The following CCDC175 variants were observed in gnomAD, a reference collection of about 807,000 sequenced individuals.
CCDC175 encodes coiled-coil domain containing 175, also known as coiled-coil domain-containing protein 175.
CCDC175 carries 100 observed loss-of-function variants against 114.6 expected under a neutral mutation model. The observed-to-expected ratio is 0.87, with a 90% confidence interval of 0.74 to 1.03. The LOEUF (loss-of-function observed/expected upper bound fraction) is 1.03, where lower values mean the gene tolerates loss of function less well. Among genes scored for constraint, CCDC175 ranks in the 50% least tolerant of loss-of-function variants. The pLI is 0.00. For synonymous variants in CCDC175, 306 were observed against 308.7 expected, an observed-to-expected ratio of 0.99 and a Z score of 0.09; for missense variants, 880 against 917.8, an observed-to-expected ratio of 0.96 and a Z score of 0.53.
In CCDC175 at chr14:59,536,188, C is replaced by T. The variant is rs530805049; in HGVS notation, c.1623+1835G>A. ...CTCCCCAGCTCTTATTCAGCAACCC[C>T]ACCCCCTTGTGATTCCTTAGATAGG... On this transcript the variant is annotated intron_variant, in intron 13 of 19. Transcript: ENST00000537690. Among the ~76,000 whole-genome samples, 13 of 152,238 alleles carry T rather than the reference C, an allele frequency of 8.5e-5. No individual in the cohort carries two copies. In the East Asian group the frequency reaches 1.9e-3, roughly 23 times the overall value.
intron 17 of CCDC175, among the ~76,000 whole-genome samples, chr14:59,516,464 C>T (rs978701246): frequency 2.0e-5 from 3 of 152,068 alleles, no homozygotes; most frequent in Non-Finnish European, 4.4e-5. Context: ...CAAATAGACG[C>T]AATAAAAAAT....
At chr14:59,543,782 T>C (rs1253314337) in intron 9 of CCDC175, among the ~76,000 whole-genome samples, 3 of 152,166 alleles carry the variant, frequency 2.0e-5, no homozygotes, top group African/African-American at 4.8e-5. Flanking sequence ...CGTGAGCCAC[T>C]GTGCCCAGCA....
At chr14:59,509,167 T>TAA (rs1425850562) in intron 19 of CCDC175, among the ~76,000 whole-genome samples, 3 of 152,182 alleles carry the variant, frequency 2.0e-5, no homozygotes, top group African/African-American at 7.2e-5. Flanking sequence ...GGGTTTCAGA[T>TAA]AAAAACAGAA....
chr14:59,540,493 C>CA (rs11379946), intron 11 of CCDC175, among the ~76,000 whole-genome samples, 182 bp downstream of exon 11: 84,118 of 144,636 alleles, frequency 0.58, 24,723 homozygotes, highest in East Asian at 0.82. Flanking sequence ...TGTTCAATGC[C>CA]AAAAAAAAAA....
intron 17 of CCDC175, among the ~76,000 whole-genome samples, chr14:59,514,957 C>T (rs892714391): frequency 2.0e-5 from 3 of 152,236 alleles, no homozygotes; most frequent in African/African-American, 7.2e-5. Flanking sequence ...AGCAGACTAA[C>T]AGCTGACCTC....
chr14:59,553,672 A>G (rs1336139546), intron 7 of CCDC175, among the ~76,000 whole-genome samples: 1 of 152,232 alleles, frequency 6.6e-6, no homozygotes, highest in Non-Finnish European at 1.5e-5. Flanking sequence ...AGACTGGCAA[A>G]TTGGATAAAA....
At chr14:59,572,376 GT>G (rs2140132853) in intron 3 of CCDC175, among the ~76,000 whole-genome samples, 1 of 152,268 alleles carries the variant, frequency 6.6e-6, no homozygotes, top group South Asian at 2.1e-4. Context: ...GGTACCCAGA[GT>G]AGCCAAAACT....
chr14:59,529,340 T>C (rs565726057), intron 14 of CCDC175, among the ~76,000 whole-genome samples: 3 of 152,188 alleles, frequency 2.0e-5, no homozygotes, highest in Non-Finnish European at 4.4e-5. Flanking sequence ...CCTTGCGGTC[T>C]GAAGCCATCT....
chr14:59,528,073 G>T (rs190186403), intron 14 of CCDC175, among the ~76,000 whole-genome samples: 1 of 151,980 alleles, frequency 6.6e-6, no homozygotes, highest in Non-Finnish European at 1.5e-5. Flanking sequence ...AATGTTTTGA[G>T]ATCTTGTATA....
At chr14:59,570,318 C>A (rs944152226) in intron 3 of CCDC175, among the ~76,000 whole-genome samples, 1 of 152,166 alleles carries the variant, frequency 6.6e-6, no homozygotes, top group African/African-American at 2.4e-5. Context: ...CCATATCCCT[C>A]CTATGCCCTC....
intron 7 of CCDC175, among the ~76,000 whole-genome samples, chr14:59,552,656 T>C (rs1378202129): frequency 6.6e-6 from 1 of 152,040 alleles, no homozygotes; most frequent in Non-Finnish European, 1.5e-5. Context: ...CCACAGATGA[T>C]CAAACTTCTC....
At chr14:59,531,523 G>A (rs1461269415) in intron 14 of CCDC175, among the ~76,000 whole-genome samples, 1 of 152,126 alleles carries the variant, frequency 6.6e-6, no homozygotes, top group Non-Finnish European at 1.5e-5. Flanking sequence ...AAATAATATG[G>A]TAAAGGACTA....
chr14:59,539,413 A>G (rs1158914580), intron 11 of CCDC175, among the ~76,000 whole-genome samples: 1 of 151,972 alleles, frequency 6.6e-6, no homozygotes, highest in Non-Finnish European at 1.5e-5. Flanking sequence ...CCCTGTCTCT[A>G]CTAAAAATAC....
At chr14:59,551,518 G>A in intron 7 of CCDC175, 82 bp from the exon 8 acceptor site, 1 of 597,302 alleles carries the variant, frequency 1.7e-6, no homozygotes. Flanking sequence ...AGGAACAGCT[G>A]CAGTATACAG....
chr14:59,538,258 G>T (rs1287322070), intron 12 of CCDC175, 104 bp from the exon 13 acceptor site: 2 of 936,380 alleles, frequency 2.1e-6, no homozygotes, highest in Admixed American at 3.3e-5. Context: ...GCCTGCTTCT[G>T]ATTTCAGTTC....
At chr14:59,561,719 GA>G (rs1170326659) in intron 6 of CCDC175, among the ~76,000 whole-genome samples, 3 of 152,044 alleles carry the variant, frequency 2.0e-5, no homozygotes, top group Non-Finnish European at 2.9e-5. Context: ...TGGATACTGT[GA>G]AAAAAAGTTA....
chr14:59,510,160 C>G (rs1427681171), intron 19 of CCDC175, among the ~76,000 whole-genome samples: 1 of 152,108 alleles, frequency 6.6e-6, no homozygotes, highest in Non-Finnish European at 1.5e-5. Flanking sequence ...GAAGCTGATA[C>G]GCCTCTGGAG....
intron 14 of CCDC175, 52 bp from the exon 15 acceptor site, chr14:59,527,226 T>C (rs1354372785): frequency 4.0e-6 from 4 of 994,074 alleles, no homozygotes; most frequent in Non-Finnish European, 5.7e-6. Context: ...TTAAAAAATA[T>C]TAATCAAAGA....
chr14:59,567,125 A>ATTT (rs1354652672), intron 4 of CCDC175, among the ~76,000 whole-genome samples: 1 of 152,248 alleles, frequency 6.6e-6, no homozygotes, highest in Non-Finnish European at 1.5e-5. Flanking sequence ...TGACCGGTTG[A>ATTT]TATAAATATC....
Sources: gnomAD v4.1 joint callset for allele counts (sites outside exome capture counted in the v4.1 genomes callset) on GRCh38, gnomAD v4.1.1 for gene constraint, MANE v1.5 for transcripts, NCBI Gene and HGNC (gene_info 2026-07-23, HGNC 2026-07-21) for gene names.